Variants in ORAI2 observed in about 807,000 individuals in gnomAD.
ORAI2 encodes ORAI calcium release-activated calcium modulator 2, also known as protein orai-2.
A neutral mutation model predicts 16.2 loss-of-function variants in ORAI2; 10 were observed. The ratio of observed to expected loss-of-function variants is 0.62; its 90% CI spans 0.38 to 1.04. The LOEUF (loss-of-function observed/expected upper bound fraction) is 1.04, where lower values mean the gene tolerates loss of function less well. ORAI2 is among the 50% of genes least tolerant of loss of function. The pLI is 0.01. For missense variants in ORAI2, 238 were observed against 355.5 expected (o/e 0.67, Z 2.66); for synonymous variants, 150 against 157.5 (o/e 0.95, Z 0.35).
chr7:102,439,374 G>A (rs1181113519), intron 3 of ORAI2, among the ~76,000 whole-genome samples, 193 bp downstream of exon 3: 1 of 152,202 alleles, frequency 6.6e-6, no homozygotes, highest in Non-Finnish European at 1.5e-5. Flanking sequence ...GCTGGGAGTT[G>A]CCAGGGGCTC....
intron 3 of ORAI2, among the ~76,000 whole-genome samples, chr7:102,442,261 T>G (rs754398066): frequency 2.0e-5 from 3 of 150,230 alleles, no homozygotes; most frequent in Admixed American, 6.6e-5. Flanking sequence ...ACTAAAAATA[T>G]GAAAAGGAGG....
intron 3 of ORAI2, among the ~76,000 whole-genome samples, chr7:102,443,794 C>T (rs528042795): frequency 1.6e-3 from 241 of 152,130 alleles, no homozygotes; most frequent in Non-Finnish European, 2.8e-3. Flanking sequence ...GCAACCTTTG[C>T]GTCCCGGGTT....
At chr7:102,445,192 A>G (rs1797314934) in intron 3 of ORAI2, among the ~76,000 whole-genome samples, 1 of 59,004 alleles carries the variant, frequency 1.7e-5, no homozygotes, top group African/African-American at 1.6e-4. Flanking sequence ...TCTGCTGAGG[A>G]GGCACCATGT....
In ORAI2 at chr7:102,456,512, T is replaced by C. The variant is rs1332189491; in HGVS notation, c.*9460T>C. ...ACCTGAGCCCCGCAAAGTACTCGGA[T>C]TACAGGTGTGAGTCACCGCGCCTGG... On this transcript the variant is annotated 3_prime_UTR_variant, in exon 4 of 4. Coordinates refer to ENST00000495936, the MANE Select transcript of ORAI2 (RefSeq NM_001126340.3). The C allele has an allele frequency of 6.6e-6, 1 of 152,232 alleles. No individual in the cohort carries two copies. The highest frequency in any genetic ancestry group is 1.9e-4 in the East Asian group (1 of 5,192). 9.4% of individuals were successfully genotyped at this position (152,232 alleles called of 1,614,324 possible).
chr7:102,440,276 G>T (rs963537996), intron 3 of ORAI2, among the ~76,000 whole-genome samples: 1 of 152,112 alleles, frequency 6.6e-6, no homozygotes, highest in Non-Finnish European at 1.5e-5. Flanking sequence ...CGATGCAGAC[G>T]TTCCTGGAAT....
intron 2 of ORAI2, among the ~76,000 whole-genome samples, chr7:102,437,560 A>G (rs1797093610): frequency 1.3e-5 from 2 of 152,214 alleles, no homozygotes. Context: ...GGTTGCAGTG[A>G]GCCGAAATTG....
At chr7:102,440,809 C>T (rs1352492049) in intron 3 of ORAI2, among the ~76,000 whole-genome samples, 1 of 152,084 alleles carries the variant, frequency 6.6e-6, no homozygotes, top group African/African-American at 2.4e-5. Context: ...GTGATTTTCC[C>T]ACCTCGGCCT....
At chr7:102,444,296 A>C (rs1029752534) in intron 3 of ORAI2, among the ~76,000 whole-genome samples, 1 of 151,714 alleles carries the variant, frequency 6.6e-6, no homozygotes, top group African/African-American at 2.4e-5. Flanking sequence ...TCTGTCTCCC[A>C]GGCTGGAGTG....
chr7:102,456,296 A>C lies in ORAI2; in HGVS notation c.*9244A>C, dbSNP rs905012306. 2 of 153,090 alleles carry C rather than the reference A, an allele frequency of 1.3e-5. No individual in the cohort carries two copies. Among genetic ancestry groups the C allele is most frequent in the African/African-American group, 4.8e-5 (2 of 41,432 alleles). 9.5% of individuals were successfully genotyped at this position (153,090 alleles called of 1,614,324 possible). A position where few individuals can be genotyped will look rare whatever the true frequency, so the allele number is the denominator to read the frequency against. On this transcript the variant is annotated 3_prime_UTR_variant, in exon 4 of 4. Coordinates refer to ENST00000495936, the MANE Select transcript of ORAI2 (RefSeq NM_001126340.3). Reference sequence around the variant, plus strand: ...AGGGTCTTGCTCTGTTGCCAAGTTAAGTGCAGTGGTATGATCATGAGCTCA... The same window carrying C: ...AGGGTCTTGCTCTGTTGCCAAGTTACGTGCAGTGGTATGATCATGAGCTCA...
At chr7:102,434,419 A>G (rs1370339526) in intron 1 of ORAI2, among the ~76,000 whole-genome samples, 1 of 152,028 alleles carries the variant, frequency 6.6e-6, no homozygotes, top group Non-Finnish European at 1.5e-5. Flanking sequence ...TTCCTCCACA[A>G]TCCCACCCAC....
chr7:102,446,381 G>A, intron 3 of ORAI2, 132 bp from the exon 4 acceptor site: 1 of 888,472 alleles, frequency 1.1e-6, no homozygotes, highest in Non-Finnish European at 1.7e-6. Context: ...GGTGAGTCCT[G>A]CCAGCAGGCA....
chr7:102,445,735 C>A (rs950694430), intron 3 of ORAI2, among the ~76,000 whole-genome samples: 1 of 151,950 alleles, frequency 6.6e-6, no homozygotes, highest in Admixed American at 6.6e-5. Context: ...CCTGCCTCAA[C>A]CTCCCAAACC....
rs1298013445 is a variant in ORAI2, at chr7:102,456,020, G to A, written c.*8968G>A. On this transcript the variant is annotated 3_prime_UTR_variant, in exon 4 of 4. Transcript: ENST00000495936. ...GCCCCGAACCTTTCCTGTTCCCCTG[G>A]ATTTAGTTCCCAGCAGGTGGTGAGG... is the stretch of plus-strand genomic sequence containing the variant. The A allele has an allele frequency of 1.3e-5, 2 of 153,468 alleles. No individual in the cohort carries two copies. The highest frequency in any genetic ancestry group is 6.3e-3 in the Middle Eastern group (2 of 316). The allele number at this position is 153,468 out of a possible 1,614,324, so 9.5% of individuals were successfully genotyped here.
chr7:102,443,212 G>A (rs1410859630), intron 3 of ORAI2, among the ~76,000 whole-genome samples: 5 of 145,132 alleles, frequency 3.4e-5, no homozygotes, highest in African/African-American at 7.7e-5. Context: ...GTGATCTCCC[G>A]CCTCAGCTTC....
rs148514365 is a variant in ORAI2 at position 102,446,929 on chromosome 7, C to T, written c.642C>T (p.Phe214=). The change falls in exon 4 of 4, where the codon TTC becomes TTT. Residue 214 remains phenylalanine, a synonymous_variant. Transcript: ENST00000495936. Reference sequence around the variant, plus strand: ...CCGTGGGCCTCATCTTCGTGGTCTTCACCATCCACTTCTACCGCTCCCTGG... The same window carrying T: ...CCGTGGGCCTCATCTTCGTGGTCTTTACCATCCACTTCTACCGCTCCCTGG... The part of the protein sequence containing the change: ...MVPVGLIFVV[F]TIHFYRSLVR... The T allele has an allele frequency of 1.6e-5, 26 of 1,612,770 alleles. No homozygotes were observed. In the African/African-American group the frequency reaches 3.3e-4, roughly 21 times the overall value.
intron 3 of ORAI2, among the ~76,000 whole-genome samples, chr7:102,446,061 G>A (rs555893123): frequency 6.6e-6 from 1 of 152,152 alleles, no homozygotes; most frequent in African/African-American, 2.4e-5. Context: ...TGATTCTCCT[G>A]CCTCAGCCTC....
In ORAI2 at chr7:102,451,212, A is replaced by AAAG. The variant is rs1258596404; in HGVS notation, c.*4162_*4163insGAA. ...CAAGACTCTGTCTCAAAAAAAAAAAAAAAAGAACAGGGGCCTCTGCCTCAG... is the reference window on the plus strand; with the variant it reads ...CAAGACTCTGTCTCAAAAAAAAAAAAAAGAAAAGAACAGGGGCCTCTGCCTCAG... On this transcript the variant is annotated 3_prime_UTR_variant, in exon 4 of 4. Transcript: ENST00000495936. 1 of 151,158 alleles carries AAAG rather than the reference A, an allele frequency of 6.6e-6. No homozygotes were observed. Among genetic ancestry groups the AAAG allele is most frequent in the East Asian group, 1.9e-4 (1 of 5,150 alleles). 9.4% of individuals were successfully genotyped at this position (151,158 alleles called of 1,614,324 possible).
Position 102,436,260 on chromosome 7 carries a change from C to G in ORAI2, c.-87C>G. ...TCCCAGGGATGGAAGTGCTTGGATG[C>G]GGTGCTGCTGGCTGCGGATGTGCGC... On this transcript the variant is annotated 5_prime_UTR_variant, in exon 2 of 4. Coordinates refer to ENST00000495936, the MANE Select transcript of ORAI2 (RefSeq NM_001126340.3). 1 of 975,176 alleles carries G rather than the reference C, an allele frequency of 1.0e-6. No homozygotes were observed. Among genetic ancestry groups the G allele is most frequent in the Non-Finnish European group, 1.2e-6 (1 of 820,388 alleles). The allele number at this position is 975,176 out of a possible 1,614,324, so 60.4% of individuals were successfully genotyped here. A position where few individuals can be genotyped will look rare whatever the true frequency, so the allele number is the denominator to read the frequency against.
At position 102,446,742 on chromosome 7, in the gene ORAI2, T is replaced by C. The variant is rs1333969147; in HGVS notation, c.455T>C (p.Phe152Ser). 6.2e-7 allele frequency: 1 copy of C among 1,614,144 alleles called. No homozygotes were observed. The highest frequency in any genetic ancestry group is 8.5e-7 in the Non-Finnish European group (1 of 1,180,024). The stretch of plus-strand genomic sequence containing the variant: ...CCCTACATCGAGCTGGCCTGGGGCT[T>C]CTCCACCGTGCTTGGCATCCTACTC... ...MHPYIELAWG[F>S]STVLGILLFL... is the part of the protein sequence containing the mutation. Residue 152 changes from phenylalanine to serine, a missense_variant, in exon 4 of 4, where the codon TTC (phenylalanine) becomes TCC (serine). Physicochemically the swap from Phe to Ser is radical, Grantham distance 155. Coordinates refer to ENST00000495936, the MANE Select transcript of ORAI2 (RefSeq NM_001126340.3).
Sources: gnomAD v4.1 joint callset for allele counts (sites outside exome capture counted in the v4.1 genomes callset) on GRCh38, gnomAD v4.1.1 for gene constraint, MANE v1.5 for transcripts, NCBI Gene and HGNC (gene_info 2026-07-23, HGNC 2026-07-21) for gene names.